The following DAB1 variants were observed in gnomAD, a reference collection of about 807,000 sequenced individuals.
The protein encoded by DAB1 is DAB adaptor protein 1, also known as disabled homolog 1.
In DAB1, 15 loss-of-function variants were observed where a neutral mutation model predicts 64.6. The ratio of observed to expected loss-of-function variants is 0.23; its 90% confidence interval spans 0.16 to 0.36. The LOEUF (loss-of-function observed/expected upper bound fraction) is 0.36. Among genes scored for constraint, DAB1 ranks in the 10% least tolerant of loss-of-function variants. The pLI, the probability that DAB1 is intolerant of heterozygous loss-of-function variation, is 1.00. For synonymous variants in DAB1, 235 were observed against 251.9 expected (o/e 0.93, Z 0.64); for missense variants, 596 against 706.7 (o/e 0.84, Z 1.78).
At chr1:57,714,851 GA>G in intron 6 of DAB1, among the ~76,000 whole-genome samples, 1 of 152,124 alleles carries the variant, frequency 6.6e-6, no homozygotes, top group Non-Finnish European at 1.5e-5. Flanking sequence ...GTATGATTGG[GA>G]AAAGGTGTTG....
intron 5 of DAB1, among the ~76,000 whole-genome samples, chr1:57,933,307 C>T (rs1181496899): frequency 6.6e-6 from 1 of 152,232 alleles, no homozygotes. Context: ...GACCTCACAT[C>T]TCTTATGGAT....
chr1:58,031,378 C>T (rs1220595267), intron 5 of DAB1, among the ~76,000 whole-genome samples: 1 of 152,114 alleles, frequency 6.6e-6, no homozygotes, highest in Non-Finnish European at 1.5e-5. Flanking sequence ...GGAAAGTGAT[C>T]TGTTCAGAGA....
intron 1 of DAB1, chr1:57,873,901 G>A (rs1039943671): frequency 1.3e-5 from 2 of 152,132 alleles, no homozygotes; most frequent in Non-Finnish European, 2.9e-5. Flanking sequence ...GCCATTGGCA[G>A]ACTGAACACT....
At chr1:58,491,867 G>GT (rs1365344296) in intron 3 of DAB1, among the ~76,000 whole-genome samples, 1 of 152,122 alleles carries the variant, frequency 6.6e-6, no homozygotes, top group Non-Finnish European at 1.5e-5. Context: ...GAGACAAAAA[G>GT]TTAACAAGGA....
At chr1:57,096,198 T>C (rs976484460) in intron 4 of DAB1, among the ~76,000 whole-genome samples, 5 of 152,150 alleles carry the variant, frequency 3.3e-5, no homozygotes, top group Non-Finnish European at 7.3e-5. Context: ...GGATTTGGGA[T>C]TTACACCCAA....
chr1:57,106,492 G>C (rs923644530), intron 4 of DAB1, among the ~76,000 whole-genome samples: 1 of 152,114 alleles, frequency 6.6e-6, no homozygotes, highest in African/African-American at 2.4e-5. Flanking sequence ...GATGTATGTG[G>C]GTCTGGATCA....
chr1:57,475,525 A>T (rs1643925075), intron 7 of DAB1, among the ~76,000 whole-genome samples: 1 of 152,222 alleles, frequency 6.6e-6, no homozygotes, highest in African/African-American at 2.4e-5. Context: ...TAAGGAAATC[A>T]AGGCAGAGAG....
chr1:57,922,297 G>A (rs1644819520), intron 5 of DAB1, among the ~76,000 whole-genome samples: 1 of 152,034 alleles, frequency 6.6e-6, no homozygotes, highest in Non-Finnish European at 1.5e-5. Flanking sequence ...GAAGAAAAAT[G>A]AAGGGAGGGA....
In DAB1 at chr1:57,344,358, T is replaced by C. The variant is rs529285374; in HGVS notation, c.-136-53192A>G. Among the ~76,000 whole-genome samples, 5 of 152,336 alleles carry C rather than the reference T, an allele frequency of 3.3e-5. No homozygotes were observed. The South Asian group carries it at 8.3e-4, about 25-fold the overall frequency. ...TACTGTTAAAGAAAATAAGCTAAGATAGCCTTCAGCTATGCCATCGTGGTG... is the reference window on the plus strand; with the variant it reads ...TACTGTTAAAGAAAATAAGCTAAGACAGCCTTCAGCTATGCCATCGTGGTG... On this transcript the variant is annotated intron_variant, in intron 1 of 14. Transcript: ENST00000371236.
At chr1:57,224,006 G>A (rs1172706999) in intron 2 of DAB1, among the ~76,000 whole-genome samples, 1 of 152,132 alleles carries the variant, frequency 6.6e-6, no homozygotes. Flanking sequence ...CTCCCCCTCC[G>A]ATTCCTTTGT....
At chr1:58,502,156 G>A (rs1255796260) in intron 3 of DAB1, among the ~76,000 whole-genome samples, 4 of 152,104 alleles carry the variant, frequency 2.6e-5, no homozygotes, top group Admixed American at 1.3e-4. Context: ...ATATGCAAGG[G>A]ATCCAATAAG....
intron 9 of DAB1, among the ~76,000 whole-genome samples, chr1:57,051,242 C>T (rs1032924804): frequency 4.6e-5 from 7 of 152,218 alleles, no homozygotes; most frequent in African/African-American, 1.7e-4. Context: ...TTCAGTACAA[C>T]CTCCTCTTGT....
At chr1:58,174,321 G>T (rs1290104969) in intron 4 of DAB1, among the ~76,000 whole-genome samples, 1 of 152,062 alleles carries the variant, frequency 6.6e-6, no homozygotes, top group East Asian at 1.9e-4. Flanking sequence ...ACTCACCTTT[G>T]GGCCCTGTAT....
At chr1:57,692,034 T>A (rs533307106) in intron 6 of DAB1, among the ~76,000 whole-genome samples, 1 of 152,116 alleles carries the variant, frequency 6.6e-6, no homozygotes, top group South Asian at 2.1e-4. Flanking sequence ...TTCCTGTACT[T>A]CTGGGCTGAG....
intron 5 of DAB1, among the ~76,000 whole-genome samples, chr1:57,965,439 C>T (rs1410663510): frequency 1.3e-5 from 2 of 152,052 alleles, no homozygotes; most frequent in East Asian, 3.9e-4. Context: ...CTGGCCTCTT[C>T]GTAACAAAAT....
At chr1:57,815,364 G>A (rs1651808788) in intron 6 of DAB1, among the ~76,000 whole-genome samples, 1 of 152,014 alleles carries the variant, frequency 6.6e-6, no homozygotes, top group Non-Finnish European at 1.5e-5. Context: ...CCCCATGCCC[G>A]GCCAAAACTA....
At chr1:57,040,250 A>G (rs150966235) in intron 9 of DAB1, among the ~76,000 whole-genome samples, 122 of 152,126 alleles carry the variant, frequency 8.0e-4, no homozygotes, top group African/African-American at 2.8e-3. Flanking sequence ...AGTAGTGGGA[A>G]TTTGATGGTG....
intron 6 of DAB1, among the ~76,000 whole-genome samples, chr1:57,781,713 GA>G (rs3081035): frequency 0.55 from 74,459 of 135,166 alleles, 19,765 homozygotes; most frequent in South Asian, 0.68. Flanking sequence ...AAGCAATTGA[GA>G]AAAAAAAAAA....
chr1:57,968,717 T>C (rs1645728016), intron 5 of DAB1, among the ~76,000 whole-genome samples: 1 of 152,182 alleles, frequency 6.6e-6, no homozygotes, highest in South Asian at 2.1e-4. Context: ...TAGCTACTAT[T>C]TGCCAAATAC....
Sources: allele counts gnomAD v4.1 joint callset (sites outside exome capture counted in the v4.1 genomes callset), GRCh38; gene constraint gnomAD v4.1.1; transcripts MANE v1.5; gene names NCBI Gene and HGNC (gene_info 2026-07-23, HGNC 2026-07-21).